ZNF407: variants seen among roughly 807,000 people sequenced by gnomAD.
ZNF407 encodes the protein zinc finger protein 407.
A neutral mutation model predicts 131.2 loss-of-function variants in ZNF407; 17 were observed. The ratio of observed to expected loss-of-function variants is 0.13; its 90% CI spans 0.09 to 0.19. The LOEUF is 0.19. Among genes scored for constraint, ZNF407 ranks in the 10% least tolerant of loss-of-function variants. ZNF407 has a pLI of 1.00. For missense variants in ZNF407, 2,681 were observed against 2,830.6 expected (o/e 0.95, Z 1.20); for synonymous variants, 1,156 against 1,062.0 (o/e 1.09, Z -1.72).
chr18:74,965,349 T>C (rs1047799365), intron 8 of ZNF407, among the ~76,000 whole-genome samples: 1 of 152,094 alleles, frequency 6.6e-6, no homozygotes, highest in Non-Finnish European at 1.5e-5. Flanking sequence ...GTCAACTGTC[T>C]CCATGAGTTC....
chr18:74,663,485 T>G (rs1472799540), intron 3 of ZNF407, among the ~76,000 whole-genome samples: 1 of 152,060 alleles, frequency 6.6e-6, no homozygotes, highest in East Asian at 1.9e-4. Context: ...AAAGAGTAAA[T>G]GTAAGGTCCT....
intron 1 of ZNF407, among the ~76,000 whole-genome samples, chr18:74,602,499 A>G (rs962167028): frequency 6.6e-6 from 1 of 152,204 alleles, no homozygotes; most frequent in Non-Finnish European, 1.5e-5. Flanking sequence ...TAAACATAGA[A>G]TTCAGTGGTG....
Position 74,877,296 on chromosome 18 carries a change from C to G in ZNF407, c.4977C>G (p.Thr1659=). ...CGGGAGAAAAGCCGTTTAAATGTAC[C>G]TGGCCCACGTGCCATTACTCATTCC... ...LHTGEKPFKC[T]WPTCHYSFLT... is the part of the protein sequence containing the mutation. Residue 1659 remains threonine, a synonymous_variant, in exon 5 of 9, where the codon ACC becomes ACG. Transcript: ENST00000299687. The G allele has an allele frequency of 6.2e-7, 1 of 1,613,958 alleles. No individual in the cohort carries two copies. Among genetic ancestry groups the G allele is most frequent in the Non-Finnish European group, 8.5e-7 (1 of 1,179,892 alleles).
chr18:74,669,569 C>T (rs748625433), intron 3 of ZNF407, among the ~76,000 whole-genome samples: 80 of 152,168 alleles, frequency 5.3e-4, no homozygotes, highest in Non-Finnish European at 1.0e-3. Context: ...ATGCCTGGTA[C>T]TTAGTAACTA....
chr18:74,653,129 A>G (rs145029930), intron 3 of ZNF407, among the ~76,000 whole-genome samples: 10 of 152,070 alleles, frequency 6.6e-5, no homozygotes, highest in African/African-American at 1.4e-4. Context: ...AATTAAGCCT[A>G]TCAAGATAGC....
chr18:74,985,120 A>G (rs1056948001), intron 8 of ZNF407, among the ~76,000 whole-genome samples: 1 of 152,228 alleles, frequency 6.6e-6, no homozygotes, highest in East Asian at 1.9e-4. Context: ...CTATATTCAT[A>G]AAAGAATAGT....
chr18:74,783,002 CATACT>C (rs1412283178), intron 4 of ZNF407, among the ~76,000 whole-genome samples: 2 of 152,122 alleles, frequency 1.3e-5, no homozygotes, highest in East Asian at 1.9e-4. Flanking sequence ...AATTTAAAAG[CATACT>C]ATACTATATT....
intron 1 of ZNF407, among the ~76,000 whole-genome samples, chr18:74,606,540 G>A (rs941360998): frequency 1.3e-5 from 2 of 152,064 alleles, no homozygotes; most frequent in Non-Finnish European, 2.9e-5. Context: ...ACTGCACCCA[G>A]CCTAGATCTA....
intron 3 of ZNF407, among the ~76,000 whole-genome samples, chr18:74,694,444 TTC>T (rs1469548768): frequency 2.0e-5 from 3 of 151,444 alleles, no homozygotes. Flanking sequence ...TCTTCTTTTT[TTC>T]TTTTTCCTGG....
intron 8 of ZNF407, among the ~76,000 whole-genome samples, chr18:74,998,800 G>C (rs1393884189): frequency 1.2e-4 from 10 of 82,264 alleles, no homozygotes; most frequent in Non-Finnish European, 2.4e-4. Flanking sequence ...CGATTCCTCA[G>C]GGATCTAGAA....
rs540415612 is a variant in ZNF407, at chr18:74,767,146, A to G, written c.4803-14282A>G. On this transcript the variant is annotated intron_variant, in intron 3 of 8. Coordinates refer to ENST00000299687, the MANE Select transcript of ZNF407 (RefSeq NM_017757.3). ...AGGCTGGCCTCGATCTCCTGACCTC[A>G]GGTGATCCACCTGCGTCGGCCTCCC... 2.1e-3 allele frequency among the ~76,000 whole-genome samples: 325 copies of G among 152,264 alleles called. 6 individuals are homozygous for G. The highest frequency in any genetic ancestry group is 0.019 in the Admixed American group (286 of 15,296).
At position 74,635,807 on chromosome 18, in the gene ZNF407, C is replaced by G; in HGVS notation, c.4687+101C>G. 1.4e-6 allele frequency: 2 copies of G among 1,466,092 alleles called. No homozygotes were observed. The highest frequency in any genetic ancestry group is 9.1e-7 in the Non-Finnish European group (1 of 1,097,250). 90.8% of individuals were successfully genotyped at this position (1,466,092 alleles called of 1,614,324 possible). ...TGTGGCTGCTCATTGGCTTTCCACC[C>G]GGTTCACATTTCACTGCCGTGTGCT... On this transcript the variant is annotated intron_variant, in intron 2 of 8. Transcript: ENST00000299687. The surrounding 1 kb of genome is among the most constrained non-coding windows in gnomAD (Gnocchi z 4.7).
intron 4 of ZNF407, among the ~76,000 whole-genome samples, chr18:74,793,301 A>G (rs1001371183): frequency 2.0e-5 from 3 of 152,222 alleles, no homozygotes; most frequent in East Asian, 1.9e-4. Flanking sequence ...GCATAAATCA[A>G]TGTCTGGAGT....
Position 74,997,721 on chromosome 18 carries a change from G to C in ZNF407, c.5429-65429G>C, listed in dbSNP as rs190037550. Among the ~76,000 whole-genome samples, 3 of 152,148 alleles carry C rather than the reference G, an allele frequency of 2.0e-5. No homozygotes were observed. The East Asian group carries it at 5.8e-4, about 29-fold the overall frequency. On this transcript the variant is annotated intron_variant, in intron 8 of 8. Transcript: ENST00000299687. ...CCATTTTCTTCTCCTATAAAGGCTGGGGTTCTAAGCATTTGTTTCATGGTG... is the reference window on the plus strand; with the variant it reads ...CCATTTTCTTCTCCTATAAAGGCTGCGGTTCTAAGCATTTGTTTCATGGTG...
At chr18:74,720,890 T>C (rs1353538713) in intron 3 of ZNF407, among the ~76,000 whole-genome samples, 2 of 151,512 alleles carry the variant, frequency 1.3e-5, no homozygotes, top group Non-Finnish European at 2.9e-5. Context: ...TACAGATTTG[T>C]AGTATATTTT....
intron 2 of ZNF407, among the ~76,000 whole-genome samples, chr18:74,640,381 T>A (rs1035185076): frequency 3.3e-5 from 5 of 152,172 alleles, no homozygotes; most frequent in African/African-American, 2.4e-5. Context: ...TCTTCCAGTT[T>A]GTTTAATCAT....
chr18:75,006,586 ATC>A (rs2122171673), intron 8 of ZNF407, among the ~76,000 whole-genome samples: 1 of 152,264 alleles, frequency 6.6e-6, no homozygotes, highest in East Asian at 1.9e-4. Flanking sequence ...CTTATTATTA[ATC>A]TATAATATAA....
chr18:75,051,347 A>T (rs1405289228), intron 8 of ZNF407, among the ~76,000 whole-genome samples: 1 of 152,254 alleles, frequency 6.6e-6, no homozygotes, highest in Admixed American at 6.5e-5. Flanking sequence ...ACCCGAGTGC[A>T]TTCTTCCTGT....
chr18:75,034,259 T>G (rs1259517934), intron 8 of ZNF407, among the ~76,000 whole-genome samples: 1 of 151,882 alleles, frequency 6.6e-6, no homozygotes, highest in Non-Finnish European at 1.5e-5. Context: ...TGGTCTTTGA[T>G]CTATACCAAA....
Sources: gnomAD v4.1 joint callset for allele counts (sites outside exome capture counted in the v4.1 genomes callset) on GRCh38, gnomAD v4.1.1 for gene constraint, Gnocchi (gnomAD v3.1) non-coding constraint, MANE v1.5 for transcripts, NCBI Gene and HGNC (gene_info 2026-07-23, HGNC 2026-07-21) for gene names.